Variants in ANKRD29 observed in about 807,000 individuals in gnomAD.
ANKRD29 encodes ankyrin repeat domain 29, also known as ankyrin repeat domain-containing protein 29.
Under a neutral mutation model 38.0 loss-of-function variants are expected in ANKRD29, and 32 were observed. That is an observed-to-expected ratio of 0.84 (90% confidence interval 0.64 to 1.13). The LOEUF is 1.13. Among genes scored for constraint, ANKRD29 ranks in the 50% most tolerant of loss-of-function variants. The probability of loss-of-function intolerance (pLI) is 0.00; values close to 1 mark genes in which losing one functional copy is unlikely to be tolerated. For missense variants in ANKRD29, 357 were observed against 377.9 expected, an observed-to-expected ratio of 0.94 and a Z score of 0.46; for synonymous variants, 135 against 152.4, an observed-to-expected ratio of 0.89 and a Z score of 0.84.
At chr18:23,651,269 T>A (rs1323649690) in intron 1 of ANKRD29, among the ~76,000 whole-genome samples, 1 of 152,180 alleles carries the variant, frequency 6.6e-6, no homozygotes, top group Non-Finnish European at 1.5e-5. Context: ...AAAAATCACC[T>A]CCAATTTCAG....
At chr18:23,618,210 A>C (rs1168132971) in intron 7 of ANKRD29, among the ~76,000 whole-genome samples, 1 of 152,206 alleles carries the variant, frequency 6.6e-6, no homozygotes, top group Non-Finnish European at 1.5e-5. Flanking sequence ...AATAATTTAG[A>C]TCATTGTTGA....
At chr18:23,662,603 A>G (rs1175542869) in intron 1 of ANKRD29, 107 bp downstream of exon 1, 5 of 748,776 alleles carry the variant, frequency 6.7e-6, no homozygotes, top group South Asian at 2.4e-5. Context: ...GGCGGCGGGC[A>G]GCGGGCAGCG....
At chr18:23,629,159 A>G (rs2059898228) in intron 6 of ANKRD29, among the ~76,000 whole-genome samples, 1 of 152,074 alleles carries the variant, frequency 6.6e-6, no homozygotes, top group African/African-American at 2.4e-5. Context: ...TAATTTTTGT[A>G]TTTTTAGTAG....
intron 1 of ANKRD29, among the ~76,000 whole-genome samples, chr18:23,660,555 C>T (rs1440741333): frequency 6.6e-6 from 1 of 152,168 alleles, no homozygotes; most frequent in Non-Finnish European, 1.5e-5. Flanking sequence ...GCCTCTAATC[C>T]CAGCACTTTG....
At chr18:23,655,990 G>A (rs1478211341) in intron 1 of ANKRD29, among the ~76,000 whole-genome samples, 34 of 149,264 alleles carry the variant, frequency 2.3e-4, no homozygotes, top group African/African-American at 4.2e-4. Flanking sequence ...CTACTCGGGA[G>A]GCTGAGGCAG....
intron 5 of ANKRD29, among the ~76,000 whole-genome samples, chr18:23,630,967 C>CAAAAAAAAA (rs35627642): frequency 2.2e-5 from 2 of 89,724 alleles, no homozygotes; most frequent in Non-Finnish European, 4.1e-5. Flanking sequence ...GACCCTGTCT[C>CAAAAAAAAA]AAAAAAAAAA....
chr18:23,623,040 G>C (rs1464083418), intron 6 of ANKRD29, among the ~76,000 whole-genome samples: 1 of 152,142 alleles, frequency 6.6e-6, no homozygotes, highest in Non-Finnish European at 1.5e-5. Flanking sequence ...TATTAGCTTC[G>C]CAGAGATAAG....
intron 6 of ANKRD29, 104 bp from the exon 7 acceptor site, chr18:23,619,733 G>C: frequency 1.1e-6 from 1 of 922,964 alleles, no homozygotes; most frequent in Non-Finnish European, 1.6e-6. Context: ...ACTCCGGGAA[G>C]GCACTCCCTG....
intron 3 of ANKRD29, among the ~76,000 whole-genome samples, chr18:23,645,539 A>C (rs1213756171): frequency 1.3e-4 from 19 of 151,934 alleles, no homozygotes; most frequent in Non-Finnish European, 8.8e-5. Context: ...GCGCCATTGC[A>C]CTCCAGCCTG....
At chr18:23,614,741 A>G (rs1231828382) in intron 8 of ANKRD29, among the ~76,000 whole-genome samples, 2 of 152,146 alleles carry the variant, frequency 1.3e-5, no homozygotes, top group African/African-American at 4.8e-5. Context: ...AGAGAGGCCA[A>G]CACATTGACA....
rs376579869 is a variant in ANKRD29, at chr18:23,649,722, CTTTT to C, written c.22-533_22-530del. ...TTTCACTTTTCCTCCACCTAATTTT[CTTTT>C]TTTGTTTGTTTGTTTTGTTTTTGAG... On this transcript the variant is annotated intron_variant, in intron 1 of 9. Transcript: ENST00000592179. Among the ~76,000 whole-genome samples the C allele has an allele frequency of 7.1e-4, 108 of 152,126 alleles. 3 individuals are homozygous for C. In the South Asian group the frequency reaches 0.022, roughly 31 times the overall value.
rs896350753 is a variant in ANKRD29 at position 23,619,470 on chromosome 18, T to A, written c.627+61A>T. 14 of 1,474,234 alleles carry A rather than the reference T, an allele frequency of 9.5e-6. No individual in the cohort carries two copies. In the African/African-American group the frequency reaches 2.0e-4, roughly 21 times the overall value. 91.3% of individuals were successfully genotyped at this position (1,474,234 alleles called of 1,614,324 possible). On this transcript the variant is annotated intron_variant, in intron 7 of 9. Coordinates refer to ENST00000592179, the MANE Select transcript of ANKRD29 (RefSeq NM_173505.4). ...GGGCTGCAGACTCAGTCAAGACCCG[T>A]TTTCTCCACACAGGCGCGCCGGGAG...
intron 9 of ANKRD29, among the ~76,000 whole-genome samples, chr18:23,602,246 G>A (rs2059523073): frequency 6.6e-6 from 1 of 152,000 alleles, no homozygotes. Flanking sequence ...CATTTAGCCA[G>A]GCTGGTCTTG....
chr18:23,648,666 G>A (rs1158362637), intron 2 of ANKRD29: 1 of 387,406 alleles, frequency 2.6e-6, no homozygotes, highest in Non-Finnish European at 4.6e-6. Context: ...AAAATCCTGG[G>A]GGAGGCTTCA....
At chr18:23,657,140 G>A (rs895842031) in intron 1 of ANKRD29, among the ~76,000 whole-genome samples, 2 of 152,136 alleles carry the variant, frequency 1.3e-5, no homozygotes, top group Admixed American at 1.3e-4. Context: ...CCTCCTTATC[G>A]TTCACCACCT....
At chr18:23,647,257 T>C (rs1000702290) in intron 2 of ANKRD29, 1 of 152,224 alleles carries the variant, frequency 6.6e-6, no homozygotes, top group Admixed American at 6.5e-5. Context: ...TATGGGGGAA[T>C]AATAAAAGTA....
intron 1 of ANKRD29, 184 bp from the exon 2 acceptor site, chr18:23,649,377 G>A (rs2060182042): frequency 4.3e-6 from 3 of 704,406 alleles, no homozygotes; most frequent in Admixed American, 2.0e-5. Flanking sequence ...CCAGACACCT[G>A]AGCCACCACA....
chr18:23,620,060 AC>A (rs941863765), intron 6 of ANKRD29, among the ~76,000 whole-genome samples: 1 of 152,108 alleles, frequency 6.6e-6, no homozygotes, highest in Non-Finnish European at 1.5e-5. Flanking sequence ...TTCCCCCAAG[AC>A]TGTCCATTTC....
intron 4 of ANKRD29, 27 bp downstream of exon 4, chr18:23,638,822 A>T (rs1387504678): frequency 1.3e-6 from 2 of 1,569,608 alleles, no homozygotes; most frequent in East Asian, 2.2e-5. Flanking sequence ...TCTTCAACAT[A>T]ATACAAAATC....
Sources: gnomAD v4.1 joint callset for allele counts (sites outside exome capture counted in the v4.1 genomes callset) on GRCh38, gnomAD v4.1.1 for gene constraint, MANE v1.5 for transcripts, NCBI Gene and HGNC (gene_info 2026-07-23, HGNC 2026-07-21) for gene names.